AK1: variants seen among roughly 807,000 people sequenced by gnomAD.
AK1 encodes the protein adenylate kinase isoenzyme 1.
A neutral mutation model predicts 23.9 loss-of-function variants in AK1; 13 were observed. The observed-to-expected ratio is 0.54, with a 90% CI of 0.35 to 0.86. AK1 has a LOEUF of 0.86. AK1 is among the 40% of genes least tolerant of loss of function. The pLI, the probability that AK1 is intolerant of heterozygous loss-of-function variation, is 0.01. For synonymous variants in AK1, 97 were observed against 102.8 expected, an observed-to-expected ratio of 0.94 and a Z score of 0.34; for missense variants, 214 against 255.1, an observed-to-expected ratio of 0.84 and a Z score of 1.10.
At position 127,871,785 on chromosome 9, in the gene AK1, C is replaced by T. The variant is rs1488810604; in HGVS notation, c.324+38G>A. 2 of 1,576,834 alleles carry T rather than the reference C, an allele frequency of 1.3e-6. No individual in the cohort carries two copies. Among genetic ancestry groups the T allele is most frequent in the Non-Finnish European group, 8.7e-7 (1 of 1,146,580 alleles). On this transcript the variant is annotated intron_variant, in intron 5 of 6. Transcript: ENST00000644144. This position sits in a 1 kb window ranked among gnomAD's most constrained non-coding sequence, Gnocchi z 4.4. ...ATGGGGATGGGAGTCTTATCCTGCCCCAGCCCACCAGGATCCCCACTTGGG... is the reference window on the plus strand; with the variant it reads ...ATGGGGATGGGAGTCTTATCCTGCCTCAGCCCACCAGGATCCCCACTTGGG...
rs137853205 is a variant in AK1, at chr9:127,872,707, C to T, written c.190G>A (p.Gly64Arg). 6 of 1,614,000 alleles carry T rather than the reference C, an allele frequency of 3.7e-6. No individual in the cohort carries two copies. Among genetic ancestry groups the T allele is most frequent in the Non-Finnish European group, 5.1e-6 (6 of 1,180,028 alleles). The change falls in exon 4 of 7, where the codon GGG becomes AGG. Residue 64 changes from glycine (G) to arginine (R), a missense_variant. Transcript: ENST00000644144. ...GKKLSEIMEK[G>R]QLVPLETVLD... ...CCACTCACCAGTGGAACCAGCTGCC[C>T]CTTCTCCATGATTTCCGACAGCTTC...
chr9:127,874,269 G>A lies in AK1; in HGVS notation c.7+342C>T, dbSNP rs1021771308. On this transcript the variant is annotated intron_variant, in intron 2 of 6. Coordinates refer to ENST00000644144, the MANE Select transcript of AK1 (RefSeq NM_000476.3). ...CTGGATGATAGGGAAACTGAGTCCC[G>A]GAGAGGTACGGGGAATTGCCTTGTC... is the stretch of plus-strand genomic sequence containing the variant. 16 of 985,376 alleles carry A rather than the reference G, an allele frequency of 1.6e-5. No individual in the cohort carries two copies. In the East Asian group the frequency reaches 5.7e-4, roughly 35 times the overall value. 61.0% of individuals were successfully genotyped at this position (985,376 alleles called of 1,614,324 possible).
Position 127,867,632 on chromosome 9 carries a change from C to T in AK1, c.*376G>A, listed in dbSNP as rs1416697133. ...GAACATGAGCCCCTCGGAGCAGGGG[C>T]CCCGCCACTCAGCGCCGGGTCCTCA... On this transcript the variant is annotated 3_prime_UTR_variant, in exon 7 of 7. Coordinates refer to ENST00000644144, the MANE Select transcript of AK1 (RefSeq NM_000476.3). 1 of 292,414 alleles carries T rather than the reference C, an allele frequency of 3.4e-6. No individual in the cohort carries two copies. Among genetic ancestry groups the T allele is most frequent in the Non-Finnish European group, 6.7e-6 (1 of 149,352 alleles). The allele number at this position is 292,414 out of a possible 1,614,324, so 18.1% of individuals were successfully genotyped here.
chr9:127,868,138 G>T lies in AK1; in HGVS notation c.517-62C>A, dbSNP rs2071689139. ...GTGGAGTGGGGTGGGCCTCACCATGGCAGGCCCCAGAGACCAGGCCTGCCT... is the reference window on the plus strand; with the variant it reads ...GTGGAGTGGGGTGGGCCTCACCATGTCAGGCCCCAGAGACCAGGCCTGCCT... On this transcript the variant is annotated intron_variant, in intron 6 of 6. Transcript: ENST00000644144. The surrounding 1 kb of genome is among the most constrained non-coding windows in gnomAD (Gnocchi z 4.1). 3 of 1,576,324 alleles carry T rather than the reference G, an allele frequency of 1.9e-6. No individual in the cohort carries two copies. The highest frequency in any genetic ancestry group is 2.6e-6 in the Non-Finnish European group (3 of 1,146,540).
rs1588620654 is a variant in AK1, at chr9:127,876,700, C to T, written c.-33+923G>A. Among the ~76,000 whole-genome samples, 4 of 152,006 alleles carry T rather than the reference C, an allele frequency of 2.6e-5. 1 individual carries two copies. The Middle Eastern group carries it at 0.014, about 517-fold the overall frequency. ...CCTGGTAATCTAAGCCCCCTCCGCCCTGATGGCACCTGCCACTTCCTTGAT... is the reference window on the plus strand; with the variant it reads ...CCTGGTAATCTAAGCCCCCTCCGCCTTGATGGCACCTGCCACTTCCTTGAT... On this transcript the variant is annotated intron_variant, in intron 1 of 6. Coordinates refer to ENST00000644144, the MANE Select transcript of AK1 (RefSeq NM_000476.3).
At chr9:127,878,367 C>T, upstream of AK1, 1 of 152,296 alleles carries the variant, frequency 6.6e-6, no homozygotes, top group South Asian at 2.1e-4. Flanking sequence ...AGAAGAATAG[C>T]TCCCATAATG....
intron 2 of AK1, chr9:127,873,748 GAACCAAA>G: frequency 1.0e-6 from 1 of 985,436 alleles, no homozygotes; most frequent in Non-Finnish European, 1.2e-6. Context: ...AGGGATGTCA[GAACCAAA>G]ACCAGAACCC....
chr9:127,870,823 CATGGGA>C (rs1829382848), intron 5 of AK1, among the ~76,000 whole-genome samples: 2 of 142,492 alleles, frequency 1.4e-5, no homozygotes, highest in African/African-American at 5.3e-5. Context: ...GGGAATGGGG[CATGGGA>C]ATGGGGCATG....
intron 1 of AK1, among the ~76,000 whole-genome samples, chr9:127,875,355 C>T (rs1023663131): frequency 3.3e-5 from 5 of 151,198 alleles, no homozygotes; most frequent in African/African-American, 1.2e-4. Flanking sequence ...ATCACACCTG[C>T]GACCCCACCC....
intron 2 of AK1, chr9:127,873,409 C>A (rs761415373): frequency 8.2e-6 from 13 of 1,581,598 alleles, no homozygotes; most frequent in African/African-American, 1.4e-5. Context: ...GCTCTCAGAT[C>A]GTCTTCTCTG....
intron 5 of AK1, among the ~76,000 whole-genome samples, chr9:127,869,982 G>A (rs1351835868): frequency 4.6e-5 from 7 of 152,210 alleles, no homozygotes; most frequent in African/African-American, 1.7e-4. Context: ...AGCCCGGGGA[G>A]TCCACAACGG....
chr9:127,875,503 C>A (rs920970476), intron 1 of AK1, among the ~76,000 whole-genome samples: 319 of 151,494 alleles, frequency 2.1e-3, no homozygotes, highest in African/African-American at 6.8e-3. Flanking sequence ...CACAGCCACA[C>A]TCCCCTCCAG....
chr9:127,874,041 G>T, intron 2 of AK1: 5 of 985,088 alleles, frequency 5.1e-6, no homozygotes, highest in Non-Finnish European at 6.0e-6. Context: ...AGCTCAGGCA[G>T]AGCAGCAGCA....
upstream of AK1, among the ~76,000 whole-genome samples, chr9:127,879,087 A>ACACG (rs1241665735): frequency 1.3e-5 from 2 of 151,604 alleles, no homozygotes; most frequent in African/African-American, 4.9e-5. Flanking sequence ...ACACACACAC[A>ACACG]CACACACACA....
chr9:127,874,447 C>T (rs1052083817), intron 2 of AK1, 164 bp downstream of exon 2: 7 of 985,204 alleles, frequency 7.1e-6, no homozygotes, highest in Middle Eastern at 5.2e-4. Context: ...TGGCACATCC[C>T]GTGAGAGGCC....
At position 127,868,429 on chromosome 9, in the gene AK1, G is replaced by A. The variant is rs766170104; in HGVS notation, c.408C>T (p.Ser136=). 1.7e-5 allele frequency: 28 copies of A among 1,611,408 alleles called. No individual in the cohort carries two copies. The East Asian group carries it at 4.2e-4, about 24-fold the overall frequency. ...TQRLLKRGET[S]GRVDDNEETI... is the part of the protein sequence containing the mutation. ...TCTCCTCATTGTCGTCCACACGCCC[G>A]CTGGTCTCTCCACGTTTCAAGAGCC... The change falls in exon 6 of 7, where the codon AGC becomes AGT. Residue 136 remains serine, a synonymous_variant. Transcript: ENST00000644144. The surrounding 1 kb of genome is among the most constrained non-coding windows in gnomAD (Gnocchi z 4.1).
intron 1 of AK1, among the ~76,000 whole-genome samples, chr9:127,876,553 G>A (rs995190651): frequency 6.6e-6 from 1 of 152,190 alleles, no homozygotes; most frequent in Non-Finnish European, 1.5e-5. Context: ...GTGCTTCAGC[G>A]GGGGTAGGAG....
intron 4 of AK1, 77 bp downstream of exon 4, chr9:127,872,613 T>C: frequency 6.3e-7 from 1 of 1,593,686 alleles, no homozygotes; most frequent in Non-Finnish European, 8.6e-7. Flanking sequence ...CTGTGTGCCG[T>C]GGGCTTTGCT....
chr9:127,873,217 G>A, intron 2 of AK1, 156 bp from the exon 3 acceptor site: 1 of 1,538,572 alleles, frequency 6.5e-7, no homozygotes, highest in South Asian at 1.2e-5. Context: ...CCCAGAGTCA[G>A]CAGGGATGTG....
Sources: allele counts gnomAD v4.1 joint callset (sites outside exome capture counted in the v4.1 genomes callset), GRCh38; gene constraint gnomAD v4.1.1; non-coding constraint Gnocchi (gnomAD v3.1); transcripts MANE v1.5; gene names NCBI Gene and HGNC (gene_info 2026-07-23, HGNC 2026-07-21).